The following RABGAP1L variants were observed in gnomAD, a reference collection of about 807,000 sequenced individuals.
RABGAP1L encodes rab GTPase-activating protein 1-like.
In RABGAP1L, 63 loss-of-function variants were observed where a neutral mutation model predicts 137.7. That is an observed-to-expected ratio of 0.46 (90% CI 0.37 to 0.56). The LOEUF is 0.56. Ranked by LOEUF, RABGAP1L falls within the 20% of genes least tolerant of loss-of-function variation. The probability of loss-of-function intolerance (pLI) is 0.00; values close to 1 mark genes in which losing one functional copy is unlikely to be tolerated. For missense variants in RABGAP1L, 1,095 were observed against 1,244.0 expected, an observed-to-expected ratio of 0.88 and a Z score of 1.80; for synonymous variants, 431 against 433.7, an observed-to-expected ratio of 0.99 and a Z score of 0.08.
chr1:174,583,755 T>C (rs1668914444), intron 13 of RABGAP1L, among the ~76,000 whole-genome samples: 1 of 152,226 alleles, frequency 6.6e-6, no homozygotes, highest in Admixed American at 6.5e-5. Flanking sequence ...ACTAGACTTA[T>C]TGCCCTTGTG....
rs373943457 is a variant in RABGAP1L at position 174,694,567 on chromosome 1, C to T, written c.1900-4958C>T. On this transcript the variant is annotated intron_variant, in intron 15 of 25. Transcript: ENST00000681986. ...TGGCTGCATAGTATTCCATGGTGTA[C>T]ATGTGCCACATTTTCTTAATCCAGT... Among the ~76,000 whole-genome samples, 357 of 150,232 alleles carry T rather than the reference C, an allele frequency of 2.4e-3. 3 individuals carry two copies. The highest frequency in any genetic ancestry group is 8.2e-3 in the African/African-American group (334 of 40,686).
intron 17 of RABGAP1L, among the ~76,000 whole-genome samples, chr1:174,725,857 T>G (rs925496682): frequency 1.3e-5 from 2 of 152,100 alleles, no homozygotes; most frequent in African/African-American, 4.8e-5. Flanking sequence ...GGGATAGCAC[T>G]GGGAGATATA....
rs200500961 is a variant in RABGAP1L at position 174,351,791 on chromosome 1, TTTTTG to T, written c.1466-19164_1466-19160del. Among the ~76,000 whole-genome samples, 356 of 150,888 alleles carry T rather than the reference TTTTTG, an allele frequency of 2.4e-3. 1 individual carries two copies. The highest frequency in any genetic ancestry group is 8.1e-3 in the African/African-American group (329 of 40,660). On this transcript the variant is annotated intron_variant, in intron 11 of 25. Coordinates refer to ENST00000681986, the MANE Select transcript of RABGAP1L (RefSeq NM_001366446.1). ...CGTTTGGGAAGTTCTCTGTGTGTTT[TTTTTG>T]TTTTGTTTTGTTTTGTTTTGTTTGA...
chr1:174,589,241 T>C (rs1669365474), intron 13 of RABGAP1L, among the ~76,000 whole-genome samples: 1 of 152,234 alleles, frequency 6.6e-6, no homozygotes, highest in Admixed American at 6.5e-5. Context: ...TTGATACTTG[T>C]ATTTCTTCTT....
At chr1:174,947,618 C>T (rs1232356881) in intron 19 of RABGAP1L, among the ~76,000 whole-genome samples, 1 of 151,816 alleles carries the variant, frequency 6.6e-6, no homozygotes, top group Non-Finnish European at 1.5e-5. Flanking sequence ...TGGGGTTCCA[C>T]CATGTTGGCC....
intron 2 of RABGAP1L, 127 bp downstream of exon 2, chr1:174,219,422 TC>T: frequency 1.6e-6 from 1 of 626,544 alleles, no homozygotes; most frequent in African/African-American, 1.9e-5. Context: ...GTTTGATTTA[TC>T]CAGACCCTAA....
At chr1:174,188,683 G>T (rs920256182) in intron 1 of RABGAP1L, among the ~76,000 whole-genome samples, 1 of 152,118 alleles carries the variant, frequency 6.6e-6, no homozygotes, top group Non-Finnish European at 1.5e-5. Context: ...GAGTGACCAG[G>T]TGCATTGTAA....
intron 18 of RABGAP1L, among the ~76,000 whole-genome samples, chr1:174,806,395 T>C (rs1049029364): frequency 3.3e-5 from 5 of 152,022 alleles, no homozygotes; most frequent in African/African-American, 1.2e-4. Context: ...AGGCCAGGAG[T>C]TAAAAACCAA....
chr1:174,850,055 G>A, intron 19 of RABGAP1L: 2 of 556,304 alleles, frequency 3.6e-6, no homozygotes, highest in Admixed American at 1.9e-5. Flanking sequence ...CTTGCAGGAG[G>A]CTGTTGGTAG....
At chr1:174,180,499 C>T (rs1461800768) in intron 1 of RABGAP1L, among the ~76,000 whole-genome samples, 1 of 152,186 alleles carries the variant, frequency 6.6e-6, no homozygotes, top group South Asian at 2.1e-4. Context: ...AGGTCTCACT[C>T]TGTCACCTAC....
rs189182399 is a variant in RABGAP1L, at chr1:174,612,498, G to T, written c.1711-24877G>T. Among the ~76,000 whole-genome samples, 604 of 152,288 alleles carry T rather than the reference G, an allele frequency of 4.0e-3. 2 individuals carry two copies. The highest frequency in any genetic ancestry group is 7.1e-3 in the Non-Finnish European group (483 of 68,026). On this transcript the variant is annotated intron_variant, in intron 13 of 25. Coordinates refer to ENST00000681986, the MANE Select transcript of RABGAP1L (RefSeq NM_001366446.1). Reference sequence around the variant, plus strand: ...GATTTTTGCATCAATGTTCACCAAGGATATTGGTCTAAAATTCTCTTTTTT... The same window carrying T: ...GATTTTTGCATCAATGTTCACCAAGTATATTGGTCTAAAATTCTCTTTTTT...
intron 19 of RABGAP1L, among the ~76,000 whole-genome samples, chr1:174,936,944 G>C (rs928613437): frequency 2.6e-4 from 39 of 151,006 alleles, no homozygotes; most frequent in African/African-American, 9.5e-4. Flanking sequence ...GTGAGAATGA[G>C]GAAGGACCAT....
At chr1:174,527,424 C>T (rs1663986807) in intron 13 of RABGAP1L, among the ~76,000 whole-genome samples, 1 of 151,950 alleles carries the variant, frequency 6.6e-6, no homozygotes, top group Non-Finnish European at 1.5e-5. Flanking sequence ...GCAAGCTGGT[C>T]TTGAACTCCT....
intron 11 of RABGAP1L, 152 bp from the exon 12 acceptor site, chr1:174,370,827 A>T: frequency 2.6e-6 from 1 of 389,056 alleles, no homozygotes; most frequent in Non-Finnish European, 4.6e-6. Flanking sequence ...AGATAAATTA[A>T]TGAAATTCTT....
At chr1:174,694,088 GA>G (rs1335980507) in intron 15 of RABGAP1L, among the ~76,000 whole-genome samples, 2 of 151,950 alleles carry the variant, frequency 1.3e-5, no homozygotes, top group Non-Finnish European at 2.9e-5. Context: ...ATAAAGAGAT[GA>G]TTTAAAGTAG....
chr1:174,811,808 C>T (rs747334350), intron 18 of RABGAP1L, 24 bp from the exon 19 acceptor site: 19 of 1,513,040 alleles, frequency 1.3e-5, no homozygotes, highest in African/African-American at 2.8e-5. Flanking sequence ...AATGTAATGA[C>T]GATTCTTGAT....
intron 19 of RABGAP1L, among the ~76,000 whole-genome samples, chr1:174,832,272 G>A (rs895721989): frequency 4.1e-5 from 6 of 145,138 alleles, no homozygotes; most frequent in Non-Finnish European, 7.6e-5. Flanking sequence ...CAGCCTGGGC[G>A]ATAGAGCAAG....
intron 18 of RABGAP1L, among the ~76,000 whole-genome samples, chr1:174,788,273 T>C (rs1419212644): frequency 6.6e-6 from 1 of 152,184 alleles, no homozygotes; most frequent in Non-Finnish European, 1.5e-5. Flanking sequence ...ACTGTGTTCA[T>C]TTATCAGGAG....
At chr1:174,599,598 T>A (rs921894821) in intron 13 of RABGAP1L, among the ~76,000 whole-genome samples, 2 of 152,214 alleles carry the variant, frequency 1.3e-5, no homozygotes, top group Non-Finnish European at 2.9e-5. Flanking sequence ...TGAAGTATAT[T>A]TTCACTGGAT....
Sources: allele counts gnomAD v4.1 joint callset (sites outside exome capture counted in the v4.1 genomes callset), GRCh38; gene constraint gnomAD v4.1.1; transcripts MANE v1.5; gene names NCBI Gene and HGNC (gene_info 2026-07-23, HGNC 2026-07-21).